FGD3: variants seen among roughly 807,000 people sequenced by gnomAD.
FGD3 encodes the protein FYVE, RhoGEF and PH domain-containing protein 3.
In FGD3, 45 loss-of-function variants were observed where a neutral mutation model predicts 71.8. That is an observed-to-expected ratio of 0.63 (90% CI 0.49 to 0.80). FGD3 has a LOEUF of 0.80. FGD3 is among the 30% of genes least tolerant of loss of function. The pLI is 0.00. For synonymous variants in FGD3, 378 were observed against 392.8 expected (o/e 0.96, Z 0.44); for missense variants, 844 against 951.5 (o/e 0.89, Z 1.49).
intron 1 of FGD3, among the ~76,000 whole-genome samples, chr9:92,967,252 C>T (rs887077637): frequency 3.9e-5 from 6 of 152,266 alleles, no homozygotes; most frequent in Non-Finnish European, 7.4e-5. Context: ...CGTGAGCCAC[C>T]GTGCCCAGCC....
chr9:93,009,744 C>G (rs1861225455), intron 6 of FGD3, among the ~76,000 whole-genome samples: 1 of 152,224 alleles, frequency 6.6e-6, no homozygotes, highest in Non-Finnish European at 1.5e-5. Flanking sequence ...GTCTCAGCAC[C>G]TGATTGGAAT....
intron 3 of FGD3, among the ~76,000 whole-genome samples, chr9:92,980,501 T>G (rs1295722954): frequency 6.6e-6 from 1 of 152,190 alleles, no homozygotes; most frequent in Non-Finnish European, 1.5e-5. Flanking sequence ...TAGCTTCAGT[T>G]TCAGTTTACT....
chr9:93,030,033 A>C (rs1587873574), intron 15 of FGD3, 37 bp downstream of exon 15: 1 of 1,602,326 alleles, frequency 6.2e-7, no homozygotes, highest in African/African-American at 1.3e-5. Flanking sequence ...ACAGGAGGCC[A>C]CCCTGTCCTC....
chr9:93,028,995 G>GTTTGTT (rs1862244752), intron 14 of FGD3, among the ~76,000 whole-genome samples: 3 of 51,716 alleles, frequency 5.8e-5, no homozygotes, highest in Non-Finnish European at 1.1e-4. Context: ...TGTCCTCACA[G>GTTTGTT]TTTTTTTTTT....
chr9:92,960,221 T>C (rs988633466), intron 1 of FGD3, among the ~76,000 whole-genome samples: 1 of 151,926 alleles, frequency 6.6e-6, no homozygotes, highest in Non-Finnish European at 1.5e-5. Context: ...CCACTTCCCA[T>C]GCTCTCATGT....
chr9:92,999,277 G>A (rs1394700515), intron 3 of FGD3, among the ~76,000 whole-genome samples: 2 of 152,220 alleles, frequency 1.3e-5, no homozygotes, highest in Non-Finnish European at 2.9e-5. Context: ...TGAGCCAGGC[G>A]AGGGATATAA....
intron 1 of FGD3, among the ~76,000 whole-genome samples, chr9:92,974,069 C>A (rs1859632587): frequency 6.6e-6 from 1 of 152,046 alleles, no homozygotes; most frequent in Admixed American, 6.5e-5. Context: ...GGTGTAGAGC[C>A]TTGCAAACTT....
At chr9:92,993,133 T>C (rs945252875) in intron 3 of FGD3, among the ~76,000 whole-genome samples, 2 of 152,154 alleles carry the variant, frequency 1.3e-5, no homozygotes, top group Non-Finnish European at 2.9e-5. Flanking sequence ...CTTACTGATA[T>C]CACTCTCCTT....
intron 1 of FGD3, chr9:92,974,505 G>A (rs1859649874): frequency 6.6e-6 from 1 of 152,310 alleles, no homozygotes; most frequent in South Asian, 2.1e-4. Context: ...ACTGTGTGTG[G>A]TGGGGGTGCT....
chr9:93,005,267 C>T lies in FGD3; in HGVS notation c.681-757C>T, dbSNP rs542141976. ...CCTCCCAAGTAGCTGGGACTGCAGGCGCCCGCCACCACACCCGGCTAATTA... is the reference window on the plus strand; with the variant it reads ...CCTCCCAAGTAGCTGGGACTGCAGGTGCCCGCCACCACACCCGGCTAATTA... On this transcript the variant is annotated intron_variant, in intron 5 of 17. Coordinates refer to ENST00000375482, the MANE Select transcript of FGD3 (RefSeq NM_001083536.2). Among the ~76,000 whole-genome samples the T allele has an allele frequency of 5.9e-5, 9 of 152,170 alleles. No homozygotes were observed. In the East Asian group the frequency reaches 7.7e-4, roughly 13 times the overall value.
rs550919980 is a variant in FGD3 at position 92,970,386 on chromosome 9, G to A, written c.-217-4852G>A. ...TTCAAGCACAAGGTTGAGGACTGCA[G>A]CCAGGGAGACACTTCCAAGTTGCCT... On this transcript the variant is annotated intron_variant, in intron 1 of 17. Transcript: ENST00000375482. Among the ~76,000 whole-genome samples, 6 of 152,360 alleles carry A rather than the reference G, an allele frequency of 3.9e-5. No homozygotes were observed. The South Asian group carries it at 1.0e-3, about 26-fold the overall frequency.
chr9:92,984,482 T>C (rs990318443), intron 3 of FGD3, among the ~76,000 whole-genome samples: 1 of 152,228 alleles, frequency 6.6e-6, no homozygotes, highest in Non-Finnish European at 1.5e-5. Context: ...GTTATCTACA[T>C]ACTGTAGAAG....
intron 16 of FGD3, 87 bp downstream of exon 16, chr9:93,032,960 C>G (rs757927790): frequency 7.7e-7 from 1 of 1,300,184 alleles, no homozygotes; most frequent in Non-Finnish European, 1.1e-6. Flanking sequence ...CTCCAGCTGC[C>G]TCTGCTTTCG....
chr9:92,958,830 T>C (rs1859112895), intron 1 of FGD3, among the ~76,000 whole-genome samples: 1 of 152,264 alleles, frequency 6.6e-6, no homozygotes, highest in Non-Finnish European at 1.5e-5. Flanking sequence ...TCTTTCCCTA[T>C]TGATATGTAC....
chr9:93,032,041 C>T (rs1291821793), intron 15 of FGD3, among the ~76,000 whole-genome samples: 2 of 152,234 alleles, frequency 1.3e-5, no homozygotes, highest in Non-Finnish European at 2.9e-5. Flanking sequence ...ATGCTCCACC[C>T]ATGCATCTGA....
At chr9:93,026,457 A>T (rs549263709) in intron 14 of FGD3, among the ~76,000 whole-genome samples, 2 of 152,272 alleles carry the variant, frequency 1.3e-5, no homozygotes, top group South Asian at 4.1e-4. Flanking sequence ...CATGCCTACA[A>T]ATTCAGCCAC....
At chr9:93,030,650 C>T (rs1862316589) in intron 15 of FGD3, among the ~76,000 whole-genome samples, 1 of 148,772 alleles carries the variant, frequency 6.7e-6, no homozygotes, top group Non-Finnish European at 1.5e-5. Context: ...TTCCAAAGGG[C>T]ACCAGCAACC....
At chr9:93,028,669 C>T (rs987161271) in intron 14 of FGD3, among the ~76,000 whole-genome samples, 39 of 152,172 alleles carry the variant, frequency 2.6e-4, no homozygotes, top group African/African-American at 9.4e-4. Context: ...CAAACGCAGT[C>T]GGGGTTTTAT....
In FGD3 at chr9:93,004,048, C is replaced by T. The variant is rs1354138972; in HGVS notation, c.591C>T (p.Ile197=). 1.2e-6 allele frequency: 2 copies of T among 1,614,138 alleles called. No homozygotes were observed. The highest frequency in any genetic ancestry group is 1.7e-6 in the Non-Finnish European group (2 of 1,180,058). ...LTDAGIPPEV[I]MGIFSNISSI... ...ATGCGGGGATCCCTCCAGAAGTCAT[C>T]ATGGGCATATTCTCTAACATCTCCT... The change falls in exon 5 of 18, where the codon ATC becomes ATT. Residue 197 remains isoleucine, a synonymous_variant. Coordinates refer to ENST00000375482, the MANE Select transcript of FGD3 (RefSeq NM_001083536.2).
Sources: gnomAD v4.1 joint callset for allele counts (sites outside exome capture counted in the v4.1 genomes callset) on GRCh38, gnomAD v4.1.1 for gene constraint, MANE v1.5 for transcripts, NCBI Gene and HGNC (gene_info 2026-07-23, HGNC 2026-07-21) for gene names.